PRELID2: variants seen among roughly 807,000 people sequenced by gnomAD.
PRELID2 encodes PRELI domain containing 2.
In PRELID2, 25 loss-of-function variants were observed where a neutral mutation model predicts 28.4. The ratio of observed to expected loss-of-function variants is 0.88; its 90% CI spans 0.64 to 1.23. The LOEUF (loss-of-function observed/expected upper bound fraction) is 1.23. Ranked by LOEUF, PRELID2 falls within the 50% of genes most tolerant of loss-of-function variation. The pLI is 0.00. For missense variants in PRELID2, 201 were observed against 214.4 expected (o/e 0.94, Z 0.39); for synonymous variants, 76 against 71.6 (o/e 1.06, Z -0.31).
intron 1 of PRELID2, among the ~76,000 whole-genome samples, chr5:145,573,256 A>G (rs1011808740): frequency 1.3e-5 from 2 of 152,136 alleles, no homozygotes; most frequent in African/African-American, 4.8e-5. Context: ...CTAGGCTTCT[A>G]GCAACATTCA....
chr5:145,249,794 G>T, the PRELID2 span, among the ~76,000 whole-genome samples: 10 of 152,060 alleles, frequency 6.6e-5, no homozygotes, highest in African/African-American at 2.4e-4. Context: ...ACAGAAAAAA[G>T]ACATAATTTT....
At chr5:145,289,634 C>A in the PRELID2 span, among the ~76,000 whole-genome samples, 1 of 152,250 alleles carries the variant, frequency 6.6e-6, no homozygotes, top group Non-Finnish European at 1.5e-5. Context: ...ATTCCTAGAT[C>A]ATATGGTAAG....
At chr5:145,331,346 G>A in the PRELID2 span, among the ~76,000 whole-genome samples, 27 of 152,012 alleles carry the variant, frequency 1.8e-4, no homozygotes, top group South Asian at 3.7e-3. Context: ...TTTCTGTCTC[G>A]TTGATCTAAT....
At chr5:145,806,873 T>C (rs1301746946) in intron 4 of PRELID2, among the ~76,000 whole-genome samples, 1 of 152,194 alleles carries the variant, frequency 6.6e-6, no homozygotes, top group East Asian at 1.9e-4. Flanking sequence ...TCCACCATAA[T>C]TGTAAGTTTC....
At chr5:145,724,618 T>A (rs1428822241) in intron 1 of PRELID2, among the ~76,000 whole-genome samples, 689 of 67,622 alleles carry the variant, frequency 0.01, 51 homozygotes, top group African/African-American at 0.039. Context: ...TATATATATA[T>A]ATATATATAT....
At chr5:145,366,651 ATACT>A in the PRELID2 span, among the ~76,000 whole-genome samples, 2 of 151,894 alleles carry the variant, frequency 1.3e-5, no homozygotes, top group Admixed American at 1.3e-4. Context: ...TACTGTTGAA[ATACT>A]TTGACTATTT....
chr5:145,751,532 C>T (rs896324884), downstream of PRELID2, among the ~76,000 whole-genome samples: 32 of 152,224 alleles, frequency 2.1e-4, no homozygotes. Context: ...TGTTAGGCAG[C>T]ATTCCAAGCA....
At chr5:145,799,239 A>C (rs1454273062) in intron 4 of PRELID2, among the ~76,000 whole-genome samples, 4 of 151,010 alleles carry the variant, frequency 2.6e-5, no homozygotes, top group South Asian at 2.1e-4. Context: ...AAAAAAAAAA[A>C]AAACCTACAA....
At chr5:145,315,341 T>C in the PRELID2 span, among the ~76,000 whole-genome samples, 1 of 152,284 alleles carries the variant, frequency 6.6e-6, no homozygotes, top group South Asian at 2.1e-4. Flanking sequence ...GTGCTGGGAT[T>C]ACAGGCGTGA....
At chr5:145,743,685 G>A (rs1209020591) in intron 1 of PRELID2, among the ~76,000 whole-genome samples, 7 of 152,142 alleles carry the variant, frequency 4.6e-5, no homozygotes, top group Non-Finnish European at 1.0e-4. Context: ...TGCAACCCGT[G>A]GGTCGGAAGA....
At chr5:145,669,818 T>C (rs1388604297) in intron 1 of PRELID2, among the ~76,000 whole-genome samples, 2 of 152,124 alleles carry the variant, frequency 1.3e-5, no homozygotes, top group Non-Finnish European at 2.9e-5. Context: ...CTACTGTCTT[T>C]ACCAAATCGA....
chr5:145,765,024 T>G, intron 5 of PRELID2, 24 bp from the exon 6 acceptor site: 1 of 1,498,772 alleles, frequency 6.7e-7, no homozygotes, highest in Non-Finnish European at 9.2e-7. Flanking sequence ...GAAAAAAAAT[T>G]AAAATGCCCT....
intron 1 of PRELID2, among the ~76,000 whole-genome samples, chr5:145,587,416 A>C (rs1006784583): frequency 6.6e-6 from 1 of 152,130 alleles, no homozygotes; most frequent in African/African-American, 2.4e-5. Context: ...AAAGATGCCG[A>C]TGTCGAATTG....
At position 145,627,150 on chromosome 5, in the gene PRELID2, G is replaced by A. The variant is rs1311388162; in HGVS notation, n.70+137781C>T. 8.3e-5 allele frequency among the ~76,000 whole-genome samples: 7 copies of A among 84,564 alleles called. No homozygotes were observed. The Admixed American group carries it at 9.5e-4, about 11-fold the overall frequency. The allele number at this position is 84,564 out of a possible 152,430, so 55.5% of individuals were successfully genotyped here. A position where few individuals can be genotyped will look rare whatever the true frequency, so the allele number is the denominator to read the frequency against. ...AAAAAAAAAAAAAAAAAAAAAATTT[G>A]TGTATATATACCGTGGAATACAACT... On this transcript the variant is annotated intron_variant and non_coding_transcript_variant, in intron 1 of 2. Transcript: ENST00000510259.
the PRELID2 span, among the ~76,000 whole-genome samples, chr5:145,413,343 A>G: frequency 1.3e-5 from 1 of 76,048 alleles, no homozygotes; most frequent in East Asian, 2.3e-4. Context: ...ATAGAAGTTG[A>G]CATGAATGTG....
At chr5:145,418,955 C>T in the PRELID2 span, among the ~76,000 whole-genome samples, 1 of 150,182 alleles carries the variant, frequency 6.7e-6, no homozygotes, top group African/African-American at 2.5e-5. Flanking sequence ...GTTCAATTCC[C>T]ACCTATGAGT....
At chr5:145,656,322 A>G (rs944744243) in intron 1 of PRELID2, among the ~76,000 whole-genome samples, 4 of 152,328 alleles carry the variant, frequency 2.6e-5, no homozygotes, top group South Asian at 2.1e-4. Flanking sequence ...AACTAGCTCA[A>G]TCACTGTGGA....
chr5:145,686,889 A>G (rs906171527), intron 1 of PRELID2, among the ~76,000 whole-genome samples: 2 of 152,186 alleles, frequency 1.3e-5, no homozygotes, highest in Non-Finnish European at 2.9e-5. Context: ...AATGTCCTAT[A>G]GTTTTGAAAA....
chr5:145,377,138 A>T, the PRELID2 span, among the ~76,000 whole-genome samples: 1 of 152,114 alleles, frequency 6.6e-6, no homozygotes, highest in East Asian at 1.9e-4. Context: ...CTTTAATTTC[A>T]TTATTTACCT....
Sources: gnomAD v4.1 joint callset for allele counts (sites outside exome capture counted in the v4.1 genomes callset) on GRCh38, gnomAD v4.1.1 for gene constraint, MANE v1.5 for transcripts, NCBI Gene and HGNC (gene_info 2026-07-23, HGNC 2026-07-21) for gene names.